Variants in AGBL1 observed in about 807,000 individuals in gnomAD.
The protein encoded by AGBL1 is AGBL carboxypeptidase 1, also known as cytosolic carboxypeptidase 4.
A neutral mutation model predicts 118.9 loss-of-function variants in AGBL1; 130 were observed. That is an observed-to-expected ratio of 1.09 (90% confidence interval 0.95 to 1.26). AGBL1 has a LOEUF of 1.26. Ranked by LOEUF, AGBL1 falls within the 50% of genes most tolerant of loss-of-function variation. The pLI is 0.00. For synonymous variants in AGBL1, 555 were observed against 478.9 expected (o/e 1.16, Z -2.08); for missense variants, 1,584 against 1,298.1 (o/e 1.22, Z -3.38).
At chr15:86,528,420 C>T (rs1444376123) in intron 19 of AGBL1, among the ~76,000 whole-genome samples, 1 of 152,114 alleles carries the variant, frequency 6.6e-6, no homozygotes, top group African/African-American at 2.4e-5. Context: ...AACGGCGCAC[C>T]ACGAGACTAT....
At chr15:86,217,335 A>G (rs2078206351) in intron 5 of AGBL1, among the ~76,000 whole-genome samples, 1 of 152,212 alleles carries the variant, frequency 6.6e-6, no homozygotes, top group Non-Finnish European at 1.5e-5. Flanking sequence ...ACCAGTGCCT[A>G]GCTTTTGAAA....
At chr15:86,187,109 C>T (rs1002838421) in intron 5 of AGBL1, among the ~76,000 whole-genome samples, 18 of 152,156 alleles carry the variant, frequency 1.2e-4, no homozygotes, top group African/African-American at 4.1e-4. Context: ...ATGCTGCAAA[C>T]GCACACATTG....
intron 19 of AGBL1, among the ~76,000 whole-genome samples, chr15:86,535,165 C>A (rs1031874495): frequency 1.3e-5 from 2 of 152,152 alleles, no homozygotes; most frequent in African/African-American, 4.8e-5. Flanking sequence ...CAGGAAAGAG[C>A]AGAAAGGTTG....
intron 22 of AGBL1, among the ~76,000 whole-genome samples, chr15:86,773,870 C>G (rs575862931): frequency 6.6e-6 from 1 of 151,986 alleles, no homozygotes; most frequent in Non-Finnish European, 1.5e-5. Context: ...ATGAAATATA[C>G]CAGCTCCACA....
rs183791200 is a variant in AGBL1 at position 86,675,155 on chromosome 15, C to T, written c.3158+719C>T. 3.7e-4 allele frequency among the ~76,000 whole-genome samples: 57 copies of T among 152,222 alleles called. 1 individual carries two copies. Among genetic ancestry groups the T allele is most frequent in the Admixed American group, 2.1e-3 (32 of 15,300 alleles). Reference sequence around the variant, plus strand: ...GGAGGGGAGTCCAAGAAGCCAAAAGCGGCTAAGTCATTGCCCACACTTTGA... The same window carrying T: ...GGAGGGGAGTCCAAGAAGCCAAAAGTGGCTAAGTCATTGCCCACACTTTGA... On this transcript the variant is annotated intron_variant, in intron 22 of 22. Coordinates refer to ENST00000614907, the MANE Select transcript of AGBL1 (RefSeq NM_001386094.1).
chr15:86,437,551 T>A (rs904031170), intron 18 of AGBL1, among the ~76,000 whole-genome samples: 1 of 152,158 alleles, frequency 6.6e-6, no homozygotes, highest in Non-Finnish European at 1.5e-5. Flanking sequence ...ATGCATGCAG[T>A]TTCCCCAACT....
At chr15:86,314,543 GT>G (rs138901202) in intron 17 of AGBL1, among the ~76,000 whole-genome samples, 9 of 152,284 alleles carry the variant, frequency 5.9e-5, no homozygotes, top group African/African-American at 2.2e-4. Context: ...TTCCTCTATG[GT>G]GGGTCTCTTT....
At chr15:86,733,175 A>C (rs1187415283) in intron 22 of AGBL1, among the ~76,000 whole-genome samples, 1 of 151,912 alleles carries the variant, frequency 6.6e-6, no homozygotes, top group Non-Finnish European at 1.5e-5. Context: ...CAAGTTGGAG[A>C]ACCAAAAAGC....
At chr15:86,762,920 C>T (rs1449850656) in intron 22 of AGBL1, among the ~76,000 whole-genome samples, 1 of 151,810 alleles carries the variant, frequency 6.6e-6, no homozygotes, top group Non-Finnish European at 1.5e-5. Context: ...TATTGCTTTG[C>T]CTCGGGTGGG....
intron 18 of AGBL1, among the ~76,000 whole-genome samples, chr15:86,428,664 A>G (rs1473908963): frequency 2.0e-5 from 3 of 152,202 alleles, no homozygotes; most frequent in East Asian, 3.9e-4. Flanking sequence ...AAGGACTCAT[A>G]TATTGACCAC....
At chr15:86,158,542 G>T (rs531937165) in intron 4 of AGBL1, among the ~76,000 whole-genome samples, 1 of 152,318 alleles carries the variant, frequency 6.6e-6, no homozygotes, top group African/African-American at 2.4e-5. Context: ...AGACGCTGGG[G>T]CATCCTTGGA....
At chr15:86,998,310 A>G (rs1380611462) in intron 24 of AGBL1, among the ~76,000 whole-genome samples, 2 of 152,158 alleles carry the variant, frequency 1.3e-5, no homozygotes, top group Non-Finnish European at 2.9e-5. Context: ...GGCTTTAGTA[A>G]GGCAAGTTGC....
chr15:86,951,390 G>T (rs1021013211), intron 23 of AGBL1, among the ~76,000 whole-genome samples: 1 of 152,128 alleles, frequency 6.6e-6, no homozygotes, highest in Non-Finnish European at 1.5e-5. Flanking sequence ...GAATGCTCAC[G>T]ACTGCCCAAT....
chr15:86,617,038 T>G (rs2084738092), intron 21 of AGBL1, among the ~76,000 whole-genome samples: 1 of 152,224 alleles, frequency 6.6e-6, no homozygotes, highest in South Asian at 2.1e-4. Context: ...AATGTTATCT[T>G]GCCTCCTTTA....
intron 18 of AGBL1, among the ~76,000 whole-genome samples, chr15:86,460,236 C>T (rs1350534966): frequency 7.5e-6 from 1 of 134,090 alleles, no homozygotes; most frequent in Middle Eastern, 4.8e-3. Context: ...CATCTCAGCA[C>T]TTTGGGAGGC....
intron 5 of AGBL1, among the ~76,000 whole-genome samples, chr15:86,202,764 G>A (rs1012301260): frequency 2.0e-5 from 3 of 152,186 alleles, no homozygotes; most frequent in African/African-American, 7.2e-5. Flanking sequence ...TCACCCATAT[G>A]AAACTTGTGG....
At position 86,090,954 on chromosome 15, in the gene AGBL1, T is replaced by C. The variant is rs536589459; in HGVS notation, c.51+10931T>C. Among the ~76,000 whole-genome samples the C allele has an allele frequency of 1.1e-4, 16 of 152,290 alleles. No homozygotes were observed. The South Asian group carries it at 1.5e-3, about 14-fold the overall frequency. ...AAGGCCTCATTTCTGTACCACCCAATAGAGCTCTGCAATGATAACATTTGA... is the reference window on the plus strand; with the variant it reads ...AAGGCCTCATTTCTGTACCACCCAACAGAGCTCTGCAATGATAACATTTGA... On this transcript the variant is annotated intron_variant, in intron 1 of 22. Coordinates refer to ENST00000614907, the MANE Select transcript of AGBL1 (RefSeq NM_001386094.1).
At chr15:86,771,416 TGC>T (rs1251833924) in intron 22 of AGBL1, among the ~76,000 whole-genome samples, 3 of 151,710 alleles carry the variant, frequency 2.0e-5, no homozygotes, top group Admixed American at 1.3e-4. Flanking sequence ...CTCTTTCCAA[TGC>T]GCTTAATGGT....
intron 18 of AGBL1, among the ~76,000 whole-genome samples, chr15:86,462,586 G>GC (rs2142087823): frequency 6.6e-6 from 1 of 151,880 alleles, no homozygotes; most frequent in South Asian, 2.1e-4. Context: ...CCCTCCCCTT[G>GC]CCCCCACCTC....
Sources: gnomAD v4.1 joint callset for allele counts (sites outside exome capture counted in the v4.1 genomes callset) on GRCh38, gnomAD v4.1.1 for gene constraint, MANE v1.5 for transcripts, NCBI Gene and HGNC (gene_info 2026-07-23, HGNC 2026-07-21) for gene names.